Variants in STK32C observed in about 807,000 individuals in gnomAD.
The protein encoded by STK32C is serine/threonine kinase 32C.
In STK32C, 31 loss-of-function variants were observed where a neutral mutation model predicts 56.5. That is an observed-to-expected ratio of 0.55 (90% confidence interval 0.41 to 0.74). The LOEUF is 0.74. Among genes scored for constraint, STK32C ranks in the 30% least tolerant of loss-of-function variants. The pLI is 0.00. For synonymous variants in STK32C, 309 were observed against 289.4 expected, an observed-to-expected ratio of 1.07 and a Z score of -0.69; for missense variants, 544 against 676.9, an observed-to-expected ratio of 0.80 and a Z score of 2.18.
chr10:132,207,890 T>C lies in STK32C; in HGVS notation c.*120A>G, dbSNP rs2062148195. The C allele has an allele frequency of 3.4e-6, 4 of 1,164,310 alleles. No homozygotes were observed. The highest frequency in any genetic ancestry group is 1.6e-5 in the African/African-American group (1 of 63,102). The allele number at this position is 1,164,310 out of a possible 1,614,324, so 72.1% of individuals were successfully genotyped here. A position where few individuals can be genotyped will look rare whatever the true frequency, so the allele number is the denominator to read the frequency against. ...GAGGTGTGAAATGTGTCCGGGGCAC[T>C]GTGGGCACCGCCAGCCAGGCTGGGT... On this transcript the variant is annotated 3_prime_UTR_variant, in exon 12 of 12. Transcript: ENST00000298630.
chr10:132,279,646 T>A (rs1167268948), intron 1 of STK32C, among the ~76,000 whole-genome samples: 2 of 107,264 alleles, frequency 1.9e-5, no homozygotes, highest in Non-Finnish European at 3.8e-5. Context: ...TCCCTGATCA[T>A]GCCACTCCTC....
At chr10:132,330,340 T>C (rs765649789) in intron 1 of STK32C, 5 of 666,622 alleles carry the variant, frequency 7.5e-6, no homozygotes, top group Non-Finnish European at 1.4e-5. Flanking sequence ...ATGCTGAAAC[T>C]TGTTAGAAAT....
upstream of STK32C, among the ~76,000 whole-genome samples, chr10:132,309,067 G>C (rs7894077): frequency 0.014 from 2,192 of 152,178 alleles, 44 homozygotes; most frequent in South Asian, 0.045. Flanking sequence ...CTGCCCGCCC[G>C]GACGATGAGC....
chr10:132,213,026 C>T (rs757708129), intron 10 of STK32C, among the ~76,000 whole-genome samples: 1 of 152,206 alleles, frequency 6.6e-6, no homozygotes, highest in African/African-American at 2.4e-5. Flanking sequence ...AGGCCCCCAA[C>T]GTTTTGTGGG....
chr10:132,241,801 G>A (rs1265179280), intron 2 of STK32C, among the ~76,000 whole-genome samples: 2 of 152,134 alleles, frequency 1.3e-5, no homozygotes, highest in African/African-American at 2.4e-5. Flanking sequence ...CCTCAAGCCC[G>A]CCAACTTAAA....
rs1565072780 is a variant in STK32C at position 132,222,691 on chromosome 10, GCTT to G, written c.1198_1200del (p.Lys400del). On this transcript the variant is annotated inframe_deletion, in exon 10 of 12. Transcript: ENST00000298630. Reference sequence around the variant, plus strand: ...TCCCGGGACTTGTTCTTGGCCAGACGCTTCTTCTTCTTGTGCAGGGGCCTGGAC... The same window carrying G: ...TCCCGGGACTTGTTCTTGGCCAGACGCTTCTTCTTGTGCAGGGGCCTGGAC... 9 of 1,612,606 alleles carry G rather than the reference GCTT, an allele frequency of 5.6e-6. No individual in the cohort carries two copies. Among genetic ancestry groups the G allele is most frequent in the Admixed American group, 1.7e-5 (1 of 59,880 alleles).
intron 1 of STK32C, among the ~76,000 whole-genome samples, chr10:132,296,701 G>A (rs1008654362): frequency 1.3e-5 from 2 of 152,214 alleles, no homozygotes; most frequent in African/African-American, 4.8e-5. Context: ...TCCTGGCACA[G>A]CATCTGGTGG....
chr10:132,241,640 C>T (rs1022799316), intron 2 of STK32C, among the ~76,000 whole-genome samples: 1 of 152,194 alleles, frequency 6.6e-6, no homozygotes, highest in Non-Finnish European at 1.5e-5. Context: ...AAAATAAACA[C>T]GAAGGAAGAG....
chr10:132,233,939 T>C (rs1207175621), intron 2 of STK32C, among the ~76,000 whole-genome samples: 2 of 152,218 alleles, frequency 1.3e-5, no homozygotes, highest in South Asian at 2.1e-4. Context: ...GAAGAGCAGA[T>C]GGGCTGGGGC....
upstream of STK32C, among the ~76,000 whole-genome samples, chr10:132,309,386 A>C (rs534922779): frequency 9.2e-5 from 14 of 151,674 alleles, no homozygotes; most frequent in East Asian, 2.7e-3. Context: ...ACATGCACCC[A>C]CCTGGACATG....
At chr10:132,209,361 G>T in intron 10 of STK32C, 1 of 697,114 alleles carries the variant, frequency 1.4e-6, no homozygotes, top group East Asian at 2.7e-5. Flanking sequence ...TTGCTCCGTG[G>T]GGCCTGCAGG....
At chr10:132,273,745 G>A (rs1045319592) in intron 1 of STK32C, among the ~76,000 whole-genome samples, 3 of 152,192 alleles carry the variant, frequency 2.0e-5, no homozygotes, top group Non-Finnish European at 4.4e-5. Flanking sequence ...TGAATGCACA[G>A]TGAATGAATG....
intron 1 of STK32C, among the ~76,000 whole-genome samples, chr10:132,327,242 C>A (rs933119015): frequency 6.6e-6 from 1 of 152,186 alleles, no homozygotes; most frequent in African/African-American, 2.4e-5. Flanking sequence ...AGTTCCCCTG[C>A]ACAAGCTTTC....
rs541856022 is a variant in STK32C at position 132,233,757 on chromosome 10, A to G, written c.319-5629T>C. Among the ~76,000 whole-genome samples the G allele has an allele frequency of 1.1e-4, 17 of 152,350 alleles. No homozygotes were observed. In the East Asian group the frequency reaches 3.1e-3, roughly 28 times the overall value. ...GGGGCACTCAGCCCACCGGCTTCCC[A>G]GGGGACGGAGCTACCTCCCAGGCCC... On this transcript the variant is annotated intron_variant, in intron 2 of 11. Coordinates refer to ENST00000298630, the MANE Select transcript of STK32C (RefSeq NM_173575.4).
rs2818401 is a variant in STK32C at position 132,222,689 on chromosome 10, A to G, written c.1203T>C (p.Arg401=). ...ESRPLHKKKK[R]LAKNKSRDNS... ...TGTCCCGGGACTTGTTCTTGGCCAG[A>G]CGCTTCTTCTTCTTGTGCAGGGGCC... Residue 401 remains arginine, a synonymous_variant, in exon 10 of 12, where the codon CGT becomes CGC. Transcript: ENST00000298630. 1,280,772 of 1,611,844 alleles carry G rather than the reference A, an allele frequency of 0.79. 510,413 individuals are homozygous for G. The highest frequency in any genetic ancestry group is 0.88 in the Admixed American group (52,625 of 59,862).
At position 132,258,357 on chromosome 10, in the gene STK32C, G is replaced by A. The variant is rs142614996; in HGVS notation, c.263-12402C>T. On this transcript the variant is annotated intron_variant, in intron 1 of 11. Coordinates refer to ENST00000298630, the MANE Select transcript of STK32C (RefSeq NM_173575.4). Reference sequence around the variant, plus strand: ...TTTCCCCAAACCATCAACAGCACTCGAAGAGTTCCTCACAGCCTCCTTTTC... The same window carrying A: ...TTTCCCCAAACCATCAACAGCACTCAAAGAGTTCCTCACAGCCTCCTTTTC... Among the ~76,000 whole-genome samples the A allele has an allele frequency of 4.1e-3, 619 of 152,356 alleles. 4 individuals are homozygous for A. The highest frequency in any genetic ancestry group is 0.014 in the African/African-American group (592 of 41,576).
chr10:132,249,116 G>T (rs767001228), intron 1 of STK32C: 1 of 463,814 alleles, frequency 2.2e-6, no homozygotes, highest in East Asian at 6.6e-5. Flanking sequence ...CATGCGTGCC[G>T]GGGCGGGGCT....
At chr10:132,257,847 G>A (rs545091153) in intron 1 of STK32C, among the ~76,000 whole-genome samples, 1,587 of 152,110 alleles carry the variant, frequency 0.01, 21 homozygotes, top group African/African-American at 0.036. Flanking sequence ...CTGCAGGTGG[G>A]ACTCAGGGCT....
intron 10 of STK32C, among the ~76,000 whole-genome samples, chr10:132,218,582 C>A (rs1343475995): frequency 1.3e-5 from 2 of 151,964 alleles, no homozygotes; most frequent in Non-Finnish European, 2.9e-5. Flanking sequence ...AAATTAGAAC[C>A]CTCACACACT....
Sources: allele counts gnomAD v4.1 joint callset (sites outside exome capture counted in the v4.1 genomes callset), GRCh38; gene constraint gnomAD v4.1.1; transcripts MANE v1.5; gene names NCBI Gene and HGNC (gene_info 2026-07-23, HGNC 2026-07-21).